TENM3: variants seen among roughly 807,000 people sequenced by gnomAD.
The protein encoded by TENM3 is teneurin transmembrane protein 3.
In TENM3, 63 loss-of-function variants were observed where a neutral mutation model predicts 255.1. The observed-to-expected ratio is 0.25, with a 90% CI of 0.20 to 0.30. The LOEUF is 0.30. Among genes scored for constraint, TENM3 ranks in the 10% least tolerant of loss-of-function variants. TENM3 has a pLI of 1.00. For synonymous variants in TENM3, 1,306 were observed against 1,322.3 expected, an observed-to-expected ratio of 0.99 and a Z score of 0.27; for missense variants, 2,929 against 3,461.1, an observed-to-expected ratio of 0.85 and a Z score of 3.86.
chr4:182,120,155 TGAA>T, the TENM3 span, among the ~76,000 whole-genome samples: 3 of 151,114 alleles, frequency 2.0e-5, no homozygotes, highest in Non-Finnish European at 3.0e-5. Flanking sequence ...GTTAGTCCCT[TGAA>T]GAGAGGTTCA....
chr4:181,815,132 C>T, the TENM3 span, among the ~76,000 whole-genome samples: 1 of 151,936 alleles, frequency 6.6e-6, no homozygotes, highest in South Asian at 2.1e-4. Flanking sequence ...TAAAGAAATA[C>T]AACATGCAGC....
At chr4:181,788,084 C>T in the TENM3 span, among the ~76,000 whole-genome samples, 9 of 152,122 alleles carry the variant, frequency 5.9e-5, no homozygotes, top group African/African-American at 9.7e-5. Flanking sequence ...GCCATGGTCA[C>T]TCATCATATT....
At chr4:181,786,209 A>G in the TENM3 span, among the ~76,000 whole-genome samples, 1 of 151,912 alleles carries the variant, frequency 6.6e-6, no homozygotes, top group South Asian at 2.1e-4. Flanking sequence ...CAAATGTGAC[A>G]CTCTTTGTAC....
intron 1 of TENM3, among the ~76,000 whole-genome samples, chr4:182,147,907 G>A (rs182819837): frequency 1.3e-5 from 2 of 152,060 alleles, no homozygotes; most frequent in South Asian, 2.1e-4. Context: ...TAAAAGTTTC[G>A]ACAACTAAGT....
At chr4:181,745,089 A>G in the TENM3 span, among the ~76,000 whole-genome samples, 1 of 152,268 alleles carries the variant, frequency 6.6e-6, no homozygotes, top group African/African-American at 2.4e-5. Flanking sequence ...AGAAAGGAAG[A>G]TCGAGGGTTT....
the TENM3 span, among the ~76,000 whole-genome samples, chr4:181,699,126 A>G: frequency 2.0e-5 from 3 of 152,162 alleles, no homozygotes; most frequent in South Asian, 4.1e-4. Context: ...CCTATGGGCA[A>G]CAGAGATAAG....
chr4:182,692,914 A>G (rs971553849), intron 12 of TENM3, among the ~76,000 whole-genome samples: 5 of 151,924 alleles, frequency 3.3e-5, no homozygotes, highest in African/African-American at 1.2e-4. Flanking sequence ...TAGTAGCCCT[A>G]TTTGAAGGAC....
the TENM3 span, among the ~76,000 whole-genome samples, chr4:182,092,052 T>C: frequency 1.3e-5 from 2 of 152,134 alleles, no homozygotes; most frequent in Admixed American, 6.5e-5. Flanking sequence ...ACATCAAGAA[T>C]AAACTACAAG....
At chr4:181,567,681 A>G in the TENM3 span, among the ~76,000 whole-genome samples, 2 of 152,234 alleles carry the variant, frequency 1.3e-5, no homozygotes, top group African/African-American at 4.8e-5. Context: ...CAGTATGTGT[A>G]TCTTCATGAA....
At chr4:181,684,918 CT>C in the TENM3 span, among the ~76,000 whole-genome samples, 19,129 of 44,816 alleles carry the variant, frequency 0.43, 3,269 homozygotes, top group Non-Finnish European at 0.48. Context: ...CCGTGCCTGG[CT>C]TTTTTTTTTT....
chr4:181,651,188 G>A, the TENM3 span, among the ~76,000 whole-genome samples: 2 of 152,174 alleles, frequency 1.3e-5, no homozygotes, highest in South Asian at 4.1e-4. Context: ...AATTACAAAA[G>A]CTGCATGGAT....
chr4:181,917,664 T>C, the TENM3 span, among the ~76,000 whole-genome samples: 2 of 131,734 alleles, frequency 1.5e-5, no homozygotes, highest in Admixed American at 7.4e-5. Flanking sequence ...TTTTTTTTTC[T>C]TTTTTTTTTT....
At chr4:182,133,930 A>C in the TENM3 span, among the ~76,000 whole-genome samples, 649 of 152,310 alleles carry the variant, frequency 4.3e-3, 2 homozygotes, top group Admixed American at 5.8e-3. Flanking sequence ...AGACTTGTTT[A>C]ACATGCTAAT....
At chr4:182,083,753 G>A in the TENM3 span, among the ~76,000 whole-genome samples, 3 of 152,062 alleles carry the variant, frequency 2.0e-5, no homozygotes, top group Non-Finnish European at 2.9e-5. Flanking sequence ...TACAGGGCAG[G>A]GTATTCAGTA....
chr4:182,010,614 T>G, the TENM3 span, among the ~76,000 whole-genome samples: 1 of 152,160 alleles, frequency 6.6e-6, no homozygotes, highest in Non-Finnish European at 1.5e-5. Context: ...CAATTCTATT[T>G]TGAAATGTTC....
chr4:182,352,730 T>C (rs546659152), intron 3 of TENM3, among the ~76,000 whole-genome samples: 6 of 152,268 alleles, frequency 3.9e-5, no homozygotes, highest in African/African-American at 1.2e-4. Flanking sequence ...ACTTTCTGTA[T>C]GGAGAGATAA....
the TENM3 span, among the ~76,000 whole-genome samples, chr4:181,870,079 C>G: frequency 6.6e-6 from 1 of 152,214 alleles, no homozygotes; most frequent in Admixed American, 6.5e-5. Flanking sequence ...AATCATGCAA[C>G]GTGTGCATTT....
At chr4:182,618,585 A>G (rs1300151027) in intron 4 of TENM3, among the ~76,000 whole-genome samples, 2 of 151,854 alleles carry the variant, frequency 1.3e-5, no homozygotes, top group Admixed American at 6.6e-5. Context: ...GTGAACAGCT[A>G]CTAAGGAACA....
At chr4:181,476,205 GGTTT>G in the TENM3 span, among the ~76,000 whole-genome samples, 31,862 of 97,884 alleles carry the variant, frequency 0.33, 3,621 homozygotes, top group Middle Eastern at 0.43. Flanking sequence ...ACATTTTAGG[GGTTT>G]TTTTTTTTTT....
Sources: gnomAD v4.1 joint callset for allele counts (sites outside exome capture counted in the v4.1 genomes callset) on GRCh38, gnomAD v4.1.1 for gene constraint, MANE v1.5 for transcripts, NCBI Gene and HGNC (gene_info 2026-07-23, HGNC 2026-07-21) for gene names.